Variants in NSMF observed in about 807,000 individuals in gnomAD.
NSMF encodes the protein nasal embryonic LHRH factor.
NSMF carries 31 observed loss-of-function variants against 71.0 expected under a neutral mutation model. The ratio of observed to expected loss-of-function variants is 0.44; its 90% CI spans 0.33 to 0.59. The LOEUF (loss-of-function observed/expected upper bound fraction) is 0.59. Ranked by LOEUF, NSMF falls within the 20% of genes least tolerant of loss-of-function variation. The pLI is 0.04. For synonymous variants in NSMF, 345 were observed against 287.1 expected (o/e 1.20, Z -2.04); for missense variants, 673 against 740.5 (o/e 0.91, Z 1.06).
chr9:137,452,559 T>C lies in NSMF; in HGVS notation c.1159A>G (p.Ile387Val), dbSNP rs1480537853. 2 of 1,612,456 alleles carry C rather than the reference T, an allele frequency of 1.2e-6. No individual in the cohort carries two copies. The highest frequency in any genetic ancestry group is 1.7e-6 in the Non-Finnish European group (2 of 1,179,956). ...YDHEHATFED[I>V]LEEIERKLNV... ...AGGCCAATGAGGCACATACCAAGGA[T>C]GTCCTCGAAGGTTGCGTGCTCATGG... is the stretch of plus-strand genomic sequence containing the variant. The change falls in exon 11 of 16, where the codon ATC becomes GTC. Residue 387 changes from isoleucine to valine, a missense_variant. Ile to Val is a conservative substitution (Grantham distance 29). Coordinates refer to ENST00000371475, the MANE Select transcript of NSMF (RefSeq NM_001130969.3).
chr9:137,457,540 C>A lies in NSMF; in HGVS notation c.495G>T (p.Lys165Asn). Residue 165 changes from lysine (K) to asparagine (N), a missense_variant, in exon 3 of 16, where the codon AAG becomes AAT. Transcript: ENST00000371475. ...QSWAGSRQGS[K>N]ECPGCAQLAP... ...CCAGCTGGGCACATCCGGGGCACTC[C>A]TTGGAGCCCTGGCGGCTGCCCGCCC... 6.2e-7 allele frequency: 1 copy of A among 1,602,710 alleles called. No individual in the cohort carries two copies. Among genetic ancestry groups the A allele is most frequent in the East Asian group, 2.3e-5 (1 of 43,954 alleles).
chr9:137,452,565 C>T lies in NSMF; in HGVS notation c.1153G>A (p.Glu385Lys), dbSNP rs1266516122. The change falls in exon 11 of 16, where the codon GAG (glutamate) becomes AAG (lysine). Residue 385 changes from glutamate (E) to lysine (K), a missense_variant. Around this residue, in one of 2 missense-constraint regions of NSMF, gnomAD observed 202 missense variants for 280.8 expected, o/e 0.72. Coordinates refer to ENST00000371475, the MANE Select transcript of NSMF (RefSeq NM_001130969.3). ...ILYDHEHATFEDILEEIERKL... is the reference protein window; with the variant it reads ...ILYDHEHATFKDILEEIERKL... The stretch of plus-strand genomic sequence containing the variant: ...ATGAGGCACATACCAAGGATGTCCT[C>T]GAAGGTTGCGTGCTCATGGTCCTGG... The T allele has an allele frequency of 1.7e-5, 28 of 1,612,504 alleles. No homozygotes were observed. The highest frequency in any genetic ancestry group is 2.3e-5 in the Non-Finnish European group (27 of 1,179,964).
At position 137,456,651 on chromosome 9, in the gene NSMF, C is replaced by T. The variant is rs550405423; in HGVS notation, c.629-165G>A. On this transcript the variant is annotated intron_variant, in intron 3 of 15. Coordinates refer to ENST00000371475, the MANE Select transcript of NSMF (RefSeq NM_001130969.3). ...CCCCACACGGGCACAGAGGGCAGTG[C>T]TCGAATGTCTGCTGCTCACTCACCA... is the stretch of plus-strand genomic sequence containing the variant. Among the ~76,000 whole-genome samples, 171 of 152,320 alleles carry T rather than the reference C, an allele frequency of 1.1e-3. 2 individuals are homozygous for T. Among genetic ancestry groups the T allele is most frequent in the African/African-American group, 3.4e-3 (143 of 41,568 alleles).
chr9:137,453,118 T>C lies in NSMF; in HGVS notation c.985A>G (p.Thr329Ala), dbSNP rs780993489. The C allele has an allele frequency of 6.8e-6, 11 of 1,612,560 alleles. No individual in the cohort carries two copies. Among genetic ancestry groups the C allele is most frequent in the African/African-American group, 1.3e-5 (1 of 74,920 alleles). ...GCCACAGCCTCCAGGCCCTTCTCAG[T>C]GTCCCAGTCCAGGTCCTCGAAGGCC... The part of the protein sequence containing the change: ...DEAFEDLDWD[T>A]EKGLEAVACD... Residue 329 changes from threonine to alanine, a missense_variant, in exon 9 of 16, where the codon ACT becomes GCT. Physicochemically the swap from Thr to Ala is moderately conservative, Grantham distance 58. Around this residue, in one of 2 missense-constraint regions of NSMF, gnomAD observed 202 missense variants for 280.8 expected, o/e 0.72. Coordinates refer to ENST00000371475, the MANE Select transcript of NSMF (RefSeq NM_001130969.3). This position sits in a 1 kb window ranked among gnomAD's most constrained non-coding sequence, Gnocchi z 4.5.
Position 137,449,129 on chromosome 9 carries a change from G to A in NSMF, c.*265C>T, listed in dbSNP as rs1476563458. ...TGCCCACAGCTGAGCCTCCAGGCGA[G>A]GCATGGCAGGTCAGTGCCTGGCCGC... is the stretch of plus-strand genomic sequence containing the variant. On this transcript the variant is annotated 3_prime_UTR_variant, in exon 16 of 16. Transcript: ENST00000371475. 2.1e-5 allele frequency: 12 copies of A among 579,416 alleles called. No homozygotes were observed. The highest frequency in any genetic ancestry group is 1.2e-4 in the Admixed American group (4 of 33,204). 35.9% of individuals were successfully genotyped at this position (579,416 alleles called of 1,614,324 possible).
rs190978686 is a variant in NSMF, at chr9:137,456,898, G to A, written c.629-412C>T. Among the ~76,000 whole-genome samples the A allele has an allele frequency of 3.2e-4, 49 of 152,320 alleles. No homozygotes were observed. The East Asian group carries it at 9.3e-3, about 29-fold the overall frequency. On this transcript the variant is annotated intron_variant, in intron 3 of 15. Transcript: ENST00000371475. ...CACCGAGGCTAGAGACCACCTTGCT[G>A]AGGGCTGTCCCCTTCCGAGGGCCCC...
chr9:137,449,818 C>A (rs957646188), intron 14 of NSMF, 105 bp downstream of exon 14: 30 of 1,323,044 alleles, frequency 2.3e-5, no homozygotes, highest in Admixed American at 3.5e-5. Flanking sequence ...TAGGGGAATG[C>A]CCGGGGGAAG....
Position 137,449,409 on chromosome 9 carries a change from A to G in NSMF, c.1578T>C (p.Phe526=). The change falls in exon 16 of 16, where the codon TTT becomes TTC. Residue 526 remains phenylalanine (F), a synonymous_variant. Coordinates refer to ENST00000371475, the MANE Select transcript of NSMF (RefSeq NM_001130969.3). Reference sequence around the variant, plus strand: ...CCTCTGCCCCTCACAGGACGTCGTCAAAGTCCAGCAGCTTCGAGTGCTGGC... The same window carrying G: ...CCTCTGCCCCTCACAGGACGTCGTCGAAGTCCAGCAGCTTCGAGTGCTGGC... ...KSRQHSKLLD[F]DDVL 1 of 1,612,808 alleles carries G rather than the reference A, an allele frequency of 6.2e-7. No homozygotes were observed.
At chr9:137,457,955 G>C in intron 2 of NSMF, 54 bp from the exon 3 acceptor site, 5 of 1,535,200 alleles carry the variant, frequency 3.3e-6, no homozygotes, top group Non-Finnish European at 4.4e-6. Context: ...CCCGCTGCCG[G>C]TTTCATAGCA....
At chr9:137,456,743 G>A (rs547072568) in intron 3 of NSMF, among the ~76,000 whole-genome samples, 1 of 152,344 alleles carries the variant, frequency 6.6e-6, no homozygotes, top group East Asian at 1.9e-4. Flanking sequence ...GCCACCCAAA[G>A]TTTGAGAAAC....
intron 5 of NSMF, 107 bp from the exon 6 acceptor site, chr9:137,455,414 G>A (rs1346172739): frequency 1.5e-6 from 2 of 1,326,580 alleles, no homozygotes; most frequent in South Asian, 1.2e-5. Flanking sequence ...CTGGGGCACG[G>A]GGCCCGGCAG....
chr9:137,454,211 G>A (rs1354580564), intron 7 of NSMF, among the ~76,000 whole-genome samples, 180 bp downstream of exon 7: 1 of 123,734 alleles, frequency 8.1e-6, no homozygotes, highest in Non-Finnish European at 1.7e-5. Flanking sequence ...CGGGCTGGGG[G>A]CGTGGCTGGG....
rs773105532 is a variant in NSMF, at chr9:137,450,262, GA to G, written c.1237-8del. On this transcript the variant is annotated splice_region_variant and splice_polypyrimidine_tract_variant and intron_variant, in intron 12 of 15. Transcript: ENST00000371475. Reference sequence around the variant, plus strand: ...AGAGGTGTCCAGGACCTCCCTGTAAGAAGCTGTGGTCAGGCATCTGCTCCTC... The same window carrying G: ...AGAGGTGTCCAGGACCTCCCTGTAAGAGCTGTGGTCAGGCATCTGCTCCTC... The G allele has an allele frequency of 8.1e-6, 13 of 1,612,210 alleles. No homozygotes were observed. The highest frequency in any genetic ancestry group is 1.1e-5 in the Non-Finnish European group (13 of 1,178,846).
chr9:137,458,103 G>A (rs576713569), intron 2 of NSMF, among the ~76,000 whole-genome samples: 3 of 152,220 alleles, frequency 2.0e-5, no homozygotes, highest in Admixed American at 6.5e-5. Flanking sequence ...TGGGGGCTGG[G>A]TGACGCTGTG....
intron 6 of NSMF, 78 bp from the exon 7 acceptor site, chr9:137,454,521 C>A (rs1421448230): frequency 1.3e-6 from 2 of 1,549,358 alleles, no homozygotes; most frequent in South Asian, 1.2e-5. Context: ...CCCGTCGGGT[C>A]ATGGCTCTAC....
chr9:137,457,807 G>C lies in NSMF; in HGVS notation c.228C>G (p.Asn76Lys). 6.4e-7 allele frequency: 1 copy of C among 1,558,316 alleles called. No individual in the cohort carries two copies. Among genetic ancestry groups the C allele is most frequent in the South Asian group, 1.2e-5 (1 of 84,670 alleles). The change falls in exon 3 of 16, where the codon AAC becomes AAG. Residue 76 changes from asparagine (N) to lysine (K), a missense_variant. By Grantham distance (94) the Asn-to-Lys change is moderately conservative. This residue lies in a region of NSMF where 471 missense variants were observed against 459.6 expected (regional missense o/e 1.02). Transcript: ENST00000371475. ...QNKRRLSLVS[N>K]GCYEGSLSEE... is the part of the protein sequence containing the mutation. ...CTGAGAGGCTGCCCTCGTAGCAGCC[G>C]TTGGAGACGAGGGACAGGCGGCGCT...
chr9:137,453,985 G>A lies in NSMF; in HGVS notation c.833-165C>T, dbSNP rs1473177974. On this transcript the variant is annotated intron_variant, in intron 7 of 15. Coordinates refer to ENST00000371475, the MANE Select transcript of NSMF (RefSeq NM_001130969.3). This position sits in a 1 kb window ranked among gnomAD's most constrained non-coding sequence, Gnocchi z 4.5. ...CGGACCAGAGGCTCGGTTGGTTCAGGGGCAGGATCTGAGAACACTGGGGCA... is the reference window on the plus strand; with the variant it reads ...CGGACCAGAGGCTCGGTTGGTTCAGAGGCAGGATCTGAGAACACTGGGGCA... 1.3e-5 allele frequency among the ~76,000 whole-genome samples: 2 copies of A among 152,040 alleles called. No individual in the cohort carries two copies. Among genetic ancestry groups the A allele is most frequent in the South Asian group, 2.1e-4 (1 of 4,812 alleles).
Position 137,454,441 on chromosome 9 carries a change from T to C in NSMF, c.782A>G (p.Asn261Ser), listed in dbSNP as rs1830727466. Reference protein sequence around the residue: ...ENDSASVIQRNFRKHLRMVGS... With the variant: ...ENDSASVIQRSFRKHLRMVGS... ...GACCATGCGCAGGTGTTTGCGGAAG[T>C]TCCTGGGGGAGGAAGCCAGGGGCTG... The change falls in exon 7 of 16, where the codon AAC (asparagine) becomes AGC (serine). Residue 261 changes from asparagine to serine, a missense_variant and splice_region_variant. Physicochemically the swap from Asn to Ser is conservative, Grantham distance 46. Transcript: ENST00000371475. 6.5e-7 allele frequency: 1 copy of C among 1,549,952 alleles called. No homozygotes were observed.
chr9:137,456,803 G>A (rs955497009), intron 3 of NSMF, among the ~76,000 whole-genome samples: 3 of 152,202 alleles, frequency 2.0e-5, no homozygotes, highest in African/African-American at 4.8e-5. Flanking sequence ...AAAACAATGC[G>A]TCTGTTTCCC....
Sources: allele counts gnomAD v4.1 joint callset (sites outside exome capture counted in the v4.1 genomes callset), GRCh38; gene constraint gnomAD v4.1.1; regional missense constraint gnomAD v4.1.1; non-coding constraint Gnocchi (gnomAD v3.1); transcripts MANE v1.5; gene names NCBI Gene and HGNC (gene_info 2026-07-23, HGNC 2026-07-21).